Variants in TMEM178B observed in about 807,000 individuals in gnomAD.
TMEM178B encodes the protein transmembrane protein 178B.
Under a neutral mutation model 31.0 loss-of-function variants are expected in TMEM178B, and 5 were observed. The ratio of observed to expected loss-of-function variants is 0.16; its 90% CI spans 0.08 to 0.34. The LOEUF is 0.34. Among genes scored for constraint, TMEM178B ranks in the 10% least tolerant of loss-of-function variants. TMEM178B has a pLI of 1.00. For synonymous variants in TMEM178B, 164 were observed against 164.0 expected (o/e 1.00, Z 0.00); for missense variants, 275 against 400.3 (o/e 0.69, Z 2.67).
intron 1 of TMEM178B, among the ~76,000 whole-genome samples, chr7:141,200,391 T>G (rs1309691070): frequency 6.7e-6 from 1 of 150,218 alleles, no homozygotes; most frequent in Non-Finnish European, 1.5e-5. Context: ...TGAGAGGTGG[T>G]TTTTTTAGTG....
intron 2 of TMEM178B, among the ~76,000 whole-genome samples, chr7:141,294,125 C>G (rs547651883): frequency 1.4e-4 from 21 of 152,242 alleles, no homozygotes; most frequent in Middle Eastern, 3.4e-3. Flanking sequence ...GCTACTCTCT[C>G]TAAACTGTGG....
At chr7:141,491,990 T>C in the TMEM178B span, among the ~76,000 whole-genome samples, 1 of 152,124 alleles carries the variant, frequency 6.6e-6, no homozygotes. Flanking sequence ...ATCACAGCAC[T>C]CCTAGGCTGA....
At chr7:141,222,934 G>C (rs1444642664) in intron 2 of TMEM178B, among the ~76,000 whole-genome samples, 2 of 152,158 alleles carry the variant, frequency 1.3e-5, no homozygotes, top group East Asian at 3.8e-4. Context: ...TATCAGTTGT[G>C]CCCAATAAGA....
At chr7:141,430,788 C>A (rs1477007747) in intron 2 of TMEM178B, among the ~76,000 whole-genome samples, 1 of 152,120 alleles carries the variant, frequency 6.6e-6, no homozygotes, top group Admixed American at 6.5e-5. Flanking sequence ...CTTCCCAGAC[C>A]GACTGATCCT....
chr7:141,327,806 A>G (rs1201608877), intron 2 of TMEM178B, among the ~76,000 whole-genome samples: 1 of 152,194 alleles, frequency 6.6e-6, no homozygotes, highest in Non-Finnish European at 1.5e-5. Context: ...TTTTTAATAG[A>G]AGATATTCTA....
At chr7:141,178,346 A>G (rs1365314752) in intron 1 of TMEM178B, among the ~76,000 whole-genome samples, 1 of 152,228 alleles carries the variant, frequency 6.6e-6, no homozygotes, top group Non-Finnish European at 1.5e-5. Flanking sequence ...CTTTAAAAAT[A>G]TTAATTATTG....
At chr7:141,200,045 T>C (rs1162703568) in intron 1 of TMEM178B, among the ~76,000 whole-genome samples, 1 of 151,640 alleles carries the variant, frequency 6.6e-6, no homozygotes, top group Non-Finnish European at 1.5e-5. Context: ...AGTGAGACTC[T>C]GTCTCAAAAA....
chr7:141,204,927 C>T (rs1380437626), intron 1 of TMEM178B, among the ~76,000 whole-genome samples: 2 of 152,104 alleles, frequency 1.3e-5, no homozygotes, highest in Non-Finnish European at 1.5e-5. Flanking sequence ...CTCAAGCAGT[C>T]CTCCCACCCC....
intron 1 of TMEM178B, among the ~76,000 whole-genome samples, chr7:141,148,854 G>C (rs908981793): frequency 6.6e-6 from 1 of 152,222 alleles, no homozygotes; most frequent in South Asian, 2.1e-4. Context: ...GTCTAAGCCT[G>C]TGGCTGAATG....
Position 141,344,721 on chromosome 7 carries a change from A to AAC in TMEM178B, c.497-92876_497-92875dup, listed in dbSNP as rs1385918977. 6.6e-6 allele frequency among the ~76,000 whole-genome samples: 1 copy of AAC among 151,998 alleles called. No individual in the cohort carries two copies. The highest frequency in any genetic ancestry group is 2.4e-5 in the African/African-American group (1 of 41,456). On this transcript the variant is annotated intron_variant, in intron 2 of 3. Transcript: ENST00000565468. The surrounding 1 kb of genome is among the most constrained non-coding windows in gnomAD (Gnocchi z 4.1). ...GGACACAGAAGGTACAGCACCCCCC[A>AAC]ACACACACACACCAGGCCCCTAGGA...
At chr7:141,321,666 A>C (rs369819760) in intron 2 of TMEM178B, among the ~76,000 whole-genome samples, 8 of 152,282 alleles carry the variant, frequency 5.3e-5, no homozygotes, top group African/African-American at 1.9e-4. Flanking sequence ...ACACCAAAGA[A>C]AGAGGGGAGC....
rs1213298781 is a variant in TMEM178B, at chr7:141,074,701, C to G, written c.382+9C>G. ...CGCCCTCATTCGGAAAGGTAAGCGC[C>G]GGGCGCAAGGCGTGGCGCTGCGGAG... On this transcript the variant is annotated intron_variant, in intron 1 of 3. Transcript: ENST00000565468. The surrounding 1 kb of genome is among the most constrained non-coding windows in gnomAD (Gnocchi z 5.1). 5 of 1,478,136 alleles carry G rather than the reference C, an allele frequency of 3.4e-6. No individual in the cohort carries two copies. Among genetic ancestry groups the G allele is most frequent in the Non-Finnish European group, 3.6e-6 (4 of 1,117,602 alleles). The allele number at this position is 1,478,136 out of a possible 1,614,324, so 91.6% of individuals were successfully genotyped here. A position where few individuals can be genotyped will look rare whatever the true frequency, so the allele number is the denominator to read the frequency against.
chr7:141,308,789 T>C (rs1798861223), intron 2 of TMEM178B, among the ~76,000 whole-genome samples: 1 of 152,190 alleles, frequency 6.6e-6, no homozygotes, highest in Non-Finnish European at 1.5e-5. Context: ...TGCCCGACGC[T>C]GGGCCATGAG....
At chr7:141,489,803 A>G in the TMEM178B span, among the ~76,000 whole-genome samples, 6 of 152,188 alleles carry the variant, frequency 3.9e-5, no homozygotes, top group African/African-American at 1.4e-4. Flanking sequence ...AGATTTTTGC[A>G]TGCTTTCGTA....
At chr7:141,446,645 C>G (rs900673048) in intron 3 of TMEM178B, among the ~76,000 whole-genome samples, 3 of 152,142 alleles carry the variant, frequency 2.0e-5, no homozygotes, top group African/African-American at 7.2e-5. Flanking sequence ...CATGGAGAAC[C>G]AGTCCAGGAC....
chr7:141,184,119 C>G (rs1796572205), intron 1 of TMEM178B, among the ~76,000 whole-genome samples: 1 of 152,182 alleles, frequency 6.6e-6, no homozygotes, highest in African/African-American at 2.4e-5. Context: ...TCAGCCATTA[C>G]CAATGAGAAC....
At chr7:141,443,952 G>A (rs1801707451) in intron 3 of TMEM178B, among the ~76,000 whole-genome samples, 3 of 152,300 alleles carry the variant, frequency 2.0e-5, no homozygotes, top group Admixed American at 1.3e-4. Context: ...CATTGGGAGA[G>A]CTTTCTGTTG....
At chr7:141,224,584 A>G (rs1797310562) in intron 2 of TMEM178B, among the ~76,000 whole-genome samples, 1 of 152,156 alleles carries the variant, frequency 6.6e-6, no homozygotes, top group Non-Finnish European at 1.5e-5. Flanking sequence ...CTTTCTGTCA[A>G]TCTGTGTCCT....
At chr7:141,144,280 T>C (rs1043919950) in intron 1 of TMEM178B, among the ~76,000 whole-genome samples, 3 of 152,208 alleles carry the variant, frequency 2.0e-5, no homozygotes, top group African/African-American at 7.2e-5. Flanking sequence ...TCAGAAAAGG[T>C]ATCTGTGAAT....
Sources: gnomAD v4.1 joint callset for allele counts (sites outside exome capture counted in the v4.1 genomes callset) on GRCh38, gnomAD v4.1.1 for gene constraint, Gnocchi (gnomAD v3.1) non-coding constraint, MANE v1.5 for transcripts, NCBI Gene and HGNC (gene_info 2026-07-23, HGNC 2026-07-21) for gene names.